The following CDC42BPA variants were observed in gnomAD, a reference collection of about 807,000 sequenced individuals.
The protein encoded by CDC42BPA is serine/threonine-protein kinase MRCK alpha.
A neutral mutation model predicts 223.5 loss-of-function variants in CDC42BPA; 80 were observed. That is an observed-to-expected ratio of 0.36 (90% CI 0.30 to 0.43). The LOEUF (loss-of-function observed/expected upper bound fraction) is 0.43, where lower values mean the gene tolerates loss of function less well. Among genes scored for constraint, CDC42BPA ranks in the 20% least tolerant of loss-of-function variants. CDC42BPA has a pLI of 1.00. For synonymous variants in CDC42BPA, 694 were observed against 718.6 expected (o/e 0.97, Z 0.55); for missense variants, 1,743 against 2,099.9 (o/e 0.83, Z 3.32).
chr1:227,060,829 C>G (rs1431710420), intron 21 of CDC42BPA, among the ~76,000 whole-genome samples: 1 of 143,052 alleles, frequency 7.0e-6, no homozygotes. Context: ...TCAAGTGATT[C>G]TCCTCCCTCA....
At chr1:227,316,814 A>AT (rs755726959) in intron 1 of CDC42BPA, among the ~76,000 whole-genome samples, 191 bp downstream of exon 1, 4 of 152,236 alleles carry the variant, frequency 2.6e-5, no homozygotes, top group Non-Finnish European at 4.4e-5. Flanking sequence ...CAAGGCAACA[A>AT]TTGAGCAGCA....
At chr1:227,042,031 A>G (rs1430915962) in intron 23 of CDC42BPA, among the ~76,000 whole-genome samples, 1 of 152,156 alleles carries the variant, frequency 6.6e-6, no homozygotes, top group East Asian at 1.9e-4. Flanking sequence ...TTGAGAAACT[A>G]TTATGAGTAA....
At chr1:227,301,819 T>C (rs1210999422) in intron 1 of CDC42BPA, among the ~76,000 whole-genome samples, 1 of 152,198 alleles carries the variant, frequency 6.6e-6, no homozygotes, top group Non-Finnish European at 1.5e-5. Context: ...TCCCTTTCCA[T>C]ACCATCCTCC....
chr1:227,254,341 T>C (rs911396900), intron 1 of CDC42BPA, among the ~76,000 whole-genome samples, 186 bp from the exon 2 acceptor site: 1 of 152,206 alleles, frequency 6.6e-6, no homozygotes, highest in Non-Finnish European at 1.5e-5. Flanking sequence ...ATATATTTTC[T>C]TTTATTTCTT....
chr1:227,001,941 C>CAAAAAA (rs1662950064), intron 35 of CDC42BPA, among the ~76,000 whole-genome samples: 1 of 151,644 alleles, frequency 6.6e-6, no homozygotes, highest in Non-Finnish European at 1.5e-5. Context: ...AAAACAAAAA[C>CAAAAAA]GCAAAACCAA....
chr1:227,022,177 A>T (rs1382983858), intron 32 of CDC42BPA, among the ~76,000 whole-genome samples: 1 of 152,212 alleles, frequency 6.6e-6, no homozygotes, highest in Non-Finnish European at 1.5e-5. Context: ...CAGGCCTATA[A>T]TCCCAGTACT....
chr1:227,085,637 A>G (rs1349294030), intron 16 of CDC42BPA, among the ~76,000 whole-genome samples: 1 of 152,176 alleles, frequency 6.6e-6, no homozygotes, highest in Non-Finnish European at 1.5e-5. Flanking sequence ...ATGCATATAG[A>G]GTTTGTCTGT....
intron 3 of CDC42BPA, among the ~76,000 whole-genome samples, chr1:227,205,268 CAAAAAA>C (rs1158919272): frequency 9.1e-6 from 1 of 110,204 alleles, no homozygotes; most frequent in South Asian, 2.9e-4. Flanking sequence ...GACTCTGTCT[CAAAAAA>C]AAAAAAAAAA....
chr1:227,208,898 C>A (rs1246920197), intron 3 of CDC42BPA, among the ~76,000 whole-genome samples: 1 of 152,118 alleles, frequency 6.6e-6, no homozygotes, highest in East Asian at 1.9e-4. Flanking sequence ...TGAAGAAAGT[C>A]ATTGGTAGCT....
At chr1:227,194,298 G>T (rs1272810707) in intron 4 of CDC42BPA, among the ~76,000 whole-genome samples, 1 of 151,874 alleles carries the variant, frequency 6.6e-6, no homozygotes, top group East Asian at 1.9e-4. Context: ...AAAAAACAAT[G>T]AAAGAAAAAA....
chr1:227,197,512 G>A (rs977988996), intron 4 of CDC42BPA, among the ~76,000 whole-genome samples: 25 of 152,030 alleles, frequency 1.6e-4, no homozygotes, highest in African/African-American at 5.8e-4. Context: ...CTTTGAAAAA[G>A]AAATGTTAAT....
At chr1:227,091,188 C>T (rs919392425) in intron 16 of CDC42BPA, among the ~76,000 whole-genome samples, 3 of 151,720 alleles carry the variant, frequency 2.0e-5, no homozygotes, top group African/African-American at 4.8e-5. Context: ...CCATCCGTGA[C>T]GGGGTAAACG....
intron 1 of CDC42BPA, among the ~76,000 whole-genome samples, chr1:227,309,434 T>C (rs1036598990): frequency 6.6e-6 from 1 of 152,192 alleles, no homozygotes; most frequent in Non-Finnish European, 1.5e-5. Context: ...CTTAACAGTA[T>C]ATATAAATAG....
intron 5 of CDC42BPA, among the ~76,000 whole-genome samples, chr1:227,175,502 A>C (rs539497429): frequency 6.6e-6 from 1 of 152,166 alleles, no homozygotes; most frequent in African/African-American, 2.4e-5. Flanking sequence ...AGCATATGAT[A>C]AACTACCAAG....
chr1:227,004,127 C>T (rs183084571), intron 35 of CDC42BPA: 68 of 150,786 alleles, frequency 4.5e-4, no homozygotes, highest in African/African-American at 1.5e-3. Flanking sequence ...CCTTCTTAAA[C>T]GGTGGTAAAT....
intron 2 of CDC42BPA, among the ~76,000 whole-genome samples, chr1:227,221,158 A>C (rs1051161585): frequency 6.6e-6 from 1 of 152,114 alleles, no homozygotes; most frequent in African/African-American, 2.4e-5. Context: ...CCCTTTCTTC[A>C]TTACTGGACA....
At chr1:227,249,332 A>G (rs957266404) in intron 2 of CDC42BPA, among the ~76,000 whole-genome samples, 2 of 152,220 alleles carry the variant, frequency 1.3e-5, no homozygotes, top group East Asian at 1.9e-4. Flanking sequence ...AAAACTACTA[A>G]AAGAAAACAT....
In CDC42BPA at chr1:227,029,400, T is replaced by A. The variant is rs986343441; in HGVS notation, c.3839-150A>T. 13 of 613,754 alleles carry A rather than the reference T, an allele frequency of 2.1e-5. No homozygotes were observed. The Admixed American group carries it at 4.1e-4, about 19-fold the overall frequency. 38.0% of individuals were successfully genotyped at this position (613,754 alleles called of 1,614,324 possible). On this transcript the variant is annotated intron_variant, in intron 29 of 36. Transcript: ENST00000366766. The stretch of plus-strand genomic sequence containing the variant: ...CAGGAAAAAAAGATTATCCAACCCA[T>A]CATAAGATAATTTAACTCACCTATA...
chr1:227,087,005 T>C (rs1682084490), intron 16 of CDC42BPA, among the ~76,000 whole-genome samples: 1 of 152,172 alleles, frequency 6.6e-6, no homozygotes, highest in African/African-American at 2.4e-5. Context: ...AATACAAGTC[T>C]TTTTTCAGAT....
Sources: allele counts gnomAD v4.1 joint callset (sites outside exome capture counted in the v4.1 genomes callset), GRCh38; gene constraint gnomAD v4.1.1; transcripts MANE v1.5; gene names NCBI Gene and HGNC (gene_info 2026-07-23, HGNC 2026-07-21).